Variants in ZNF131 observed in about 807,000 individuals in gnomAD.
ZNF131 encodes zinc finger protein 131.
ZNF131 carries 7 observed loss-of-function variants against 60.0 expected under a neutral mutation model. The observed-to-expected ratio is 0.12, with a 90% confidence interval of 0.07 to 0.22. ZNF131 has a LOEUF of 0.22. ZNF131 is among the 10% of genes least tolerant of loss of function. The pLI is 1.00. For missense variants in ZNF131, 493 were observed against 740.9 expected (o/e 0.67, Z 3.88); for synonymous variants, 257 against 253.2 (o/e 1.01, Z -0.14).
intron 3 of ZNF131, among the ~76,000 whole-genome samples, chr5:43,128,107 T>A (rs1744787659): frequency 6.6e-6 from 1 of 152,250 alleles, no homozygotes; most frequent in African/African-American, 2.4e-5. Flanking sequence ...GGGAGAAGAC[T>A]TAGATTCAGT....
chr5:43,174,960 G>A lies in ZNF131; in HGVS notation c.1699G>A (p.Val567Met), dbSNP rs1445708691. Residue 567 changes from valine (V) to methionine (M), a missense_variant, in exon 7 of 7, where the codon GTG becomes ATG. Val to Met is a conservative substitution (Grantham distance 21). Coordinates refer to ENST00000682664, the MANE Select transcript of ZNF131 (RefSeq NM_001330707.2). The stretch of plus-strand genomic sequence containing the variant: ...ACTTCTAGAAGCAGATTTGGACCAC[G>A]TGACCCCAGAAATCATGAACCAAGA... ...TELLEADLDH[V>M]TPEIMNQEER... The A allele has an allele frequency of 8.7e-6, 14 of 1,613,992 alleles. No homozygotes were observed. Among genetic ancestry groups the A allele is most frequent in the African/African-American group, 1.3e-5 (1 of 74,912 alleles).
intron 5 of ZNF131, among the ~76,000 whole-genome samples, chr5:43,171,843 C>T (rs1222368196): frequency 6.6e-6 from 1 of 152,166 alleles, no homozygotes; most frequent in Non-Finnish European, 1.5e-5. Context: ...TGGTCTTGAA[C>T]TCCTGACCTC....
At chr5:43,128,232 G>A (rs1394455815) in intron 3 of ZNF131, among the ~76,000 whole-genome samples, 4 of 152,198 alleles carry the variant, frequency 2.6e-5, no homozygotes, top group African/African-American at 9.6e-5. Flanking sequence ...AACTAGTCTT[G>A]ATAGATGTAT....
chr5:43,156,585 C>G (rs1466206621), intron 4 of ZNF131, among the ~76,000 whole-genome samples: 1 of 152,208 alleles, frequency 6.6e-6, no homozygotes, highest in Non-Finnish European at 1.5e-5. Context: ...CACCCAATGA[C>G]CTCAGTCAGT....
At chr5:43,168,067 C>T (rs981777947) in intron 5 of ZNF131, 6 of 402,772 alleles carry the variant, frequency 1.5e-5, no homozygotes, top group Admixed American at 3.1e-5. Flanking sequence ...GTTTCTCTTA[C>T]TCTTCTTTTA....
chr5:43,175,244 G>GT lies in ZNF131; in HGVS notation c.*114dup. ...CAGACAAGTGGACCAAAGTTAAGCTGTTTCCTGTTGTGCTGAACTGTTGTC... is the reference window on the plus strand; with the variant it reads ...CAGACAAGTGGACCAAAGTTAAGCTGTTTTCCTGTTGTGCTGAACTGTTGTC... On this transcript the variant is annotated 3_prime_UTR_variant, in exon 7 of 7. Coordinates refer to ENST00000682664, the MANE Select transcript of ZNF131 (RefSeq NM_001330707.2). The GT allele has an allele frequency of 9.1e-7, 1 of 1,097,854 alleles. No individual in the cohort carries two copies. The highest frequency in any genetic ancestry group is 1.3e-6 in the Non-Finnish European group (1 of 781,224). The allele number at this position is 1,097,854 out of a possible 1,614,324, so 68.0% of individuals were successfully genotyped here. A position where few individuals can be genotyped will look rare whatever the true frequency, so the allele number is the denominator to read the frequency against.
intron 5 of ZNF131, among the ~76,000 whole-genome samples, chr5:43,167,444 T>C (rs769510255): frequency 6.6e-6 from 1 of 152,180 alleles, no homozygotes; most frequent in Non-Finnish European, 1.5e-5. Flanking sequence ...CATTTTTCCT[T>C]GTAACAAACT....
At chr5:43,151,427 T>C (rs897484239) in intron 4 of ZNF131, among the ~76,000 whole-genome samples, 2 of 151,376 alleles carry the variant, frequency 1.3e-5, no homozygotes, top group African/African-American at 4.8e-5. Context: ...TAAGTCGTCA[T>C]TTTGTTTCGT....
rs573612104 is a variant in ZNF131, at chr5:43,163,335, G to A, written c.1054+1404G>A. On this transcript the variant is annotated intron_variant, in intron 5 of 6. Transcript: ENST00000682664. ...CCTGCTTTGGCACAGTAGGTTAGTAGGCAGTATATGTTCATCTCTCTCCAC... is the reference window on the plus strand; with the variant it reads ...CCTGCTTTGGCACAGTAGGTTAGTAAGCAGTATATGTTCATCTCTCTCCAC... Among the ~76,000 whole-genome samples, 8 of 152,266 alleles carry A rather than the reference G, an allele frequency of 5.3e-5. No individual in the cohort carries two copies. The South Asian group carries it at 1.2e-3, about 24-fold the overall frequency.
At chr5:43,134,697 T>C (rs13164216) in intron 3 of ZNF131, among the ~76,000 whole-genome samples, 13 of 135,006 alleles carry the variant, frequency 9.6e-5, no homozygotes, top group Non-Finnish European at 1.6e-4. Flanking sequence ...TTTTTTCTTT[T>C]TTTTTTTTTT....
At chr5:43,137,631 C>T (rs994155119) in intron 3 of ZNF131, among the ~76,000 whole-genome samples, 1 of 151,554 alleles carries the variant, frequency 6.6e-6, no homozygotes, top group East Asian at 1.9e-4. Context: ...GGAATCCTTG[C>T]ACAATGTTGG....
chr5:43,149,139 C>T (rs189611664), intron 4 of ZNF131, among the ~76,000 whole-genome samples: 8 of 152,108 alleles, frequency 5.3e-5, no homozygotes, highest in East Asian at 3.9e-4. Flanking sequence ...GGCATAATGG[C>T]GGATGCCTGT....
intron 4 of ZNF131, among the ~76,000 whole-genome samples, chr5:43,155,577 G>T (rs1748860149): frequency 6.6e-6 from 1 of 152,202 alleles, no homozygotes; most frequent in African/African-American, 2.4e-5. Flanking sequence ...CAGTTCGATT[G>T]TTAACTTCCA....
chr5:43,133,202 A>G (rs1013073939), intron 3 of ZNF131, among the ~76,000 whole-genome samples: 3 of 152,160 alleles, frequency 2.0e-5, no homozygotes, highest in African/African-American at 4.8e-5. Flanking sequence ...GTGGTGGCTC[A>G]CACCTCTAAT....
chr5:43,165,667 T>C (rs1750257082), intron 5 of ZNF131, among the ~76,000 whole-genome samples: 1 of 152,220 alleles, frequency 6.6e-6, no homozygotes, highest in African/African-American at 2.4e-5. Flanking sequence ...GCAGAGTACA[T>C]GTAATAAGAT....
intron 3 of ZNF131, among the ~76,000 whole-genome samples, chr5:43,131,515 G>A (rs539632858): frequency 9.9e-5 from 15 of 152,206 alleles, no homozygotes; most frequent in South Asian, 2.1e-4. Context: ...CATGGCATAC[G>A]AAGTTTTCTC....
chr5:43,131,652 T>C (rs917809797), intron 3 of ZNF131, among the ~76,000 whole-genome samples: 4 of 152,190 alleles, frequency 2.6e-5, no homozygotes, highest in East Asian at 3.8e-4. Flanking sequence ...CTAGCTAATA[T>C]AGTTTACATC....
At chr5:43,164,953 C>G (rs909416370) in intron 5 of ZNF131, among the ~76,000 whole-genome samples, 73 of 152,122 alleles carry the variant, frequency 4.8e-4, no homozygotes, top group African/African-American at 1.7e-3. Flanking sequence ...TCTCTCCTCT[C>G]CTCTCTCTCT....
chr5:43,137,576 C>CAA (rs35143949), intron 3 of ZNF131, among the ~76,000 whole-genome samples: 26 of 142,674 alleles, frequency 1.8e-4, no homozygotes, highest in Admixed American at 1.0e-3. Context: ...GGATGGCTAT[C>CAA]AAAAAAAAAA....
Sources: allele counts gnomAD v4.1 joint callset (sites outside exome capture counted in the v4.1 genomes callset), GRCh38; gene constraint gnomAD v4.1.1; transcripts MANE v1.5; gene names NCBI Gene and HGNC (gene_info 2026-07-23, HGNC 2026-07-21).